Variants in RAB28 observed in about 807,000 individuals in gnomAD.
RAB28 encodes the protein RAB28, member RAS oncogene family, also known as ras-related protein Rab-28.
In RAB28, 24 loss-of-function variants were observed where a neutral mutation model predicts 31.7. The observed-to-expected ratio is 0.76, with a 90% confidence interval of 0.55 to 1.06. The LOEUF (loss-of-function observed/expected upper bound fraction) is 1.06. RAB28 is among the 50% of genes least tolerant of loss of function. The probability of loss-of-function intolerance (pLI) is 0.00; values close to 1 mark genes in which losing one functional copy is unlikely to be tolerated. For synonymous variants in RAB28, 100 were observed against 90.4 expected (o/e 1.11, Z -0.60); for missense variants, 254 against 258.5 (o/e 0.98, Z 0.12).
intron 6 of RAB28, among the ~76,000 whole-genome samples, chr4:13,373,433 A>G (rs1173422465): frequency 6.6e-6 from 1 of 152,078 alleles, no homozygotes. Flanking sequence ...TGAAAAATGG[A>G]TCTATAGTGT....
chr4:13,404,208 A>C (rs1458658828), intron 4 of RAB28, among the ~76,000 whole-genome samples: 1 of 152,072 alleles, frequency 6.6e-6, no homozygotes, highest in African/African-American at 2.4e-5. Flanking sequence ...GAGAAACCCC[A>C]TCTCCACTAA....
At chr4:13,459,078 G>C (rs1007665543) in intron 4 of RAB28, among the ~76,000 whole-genome samples, 2 of 152,104 alleles carry the variant, frequency 1.3e-5, no homozygotes, top group African/African-American at 4.8e-5. Context: ...TGAGTCTTCC[G>C]GCCTCCATCT....
intron 4 of RAB28, among the ~76,000 whole-genome samples, chr4:13,448,335 A>G (rs1714798445): frequency 6.6e-6 from 1 of 152,138 alleles, no homozygotes; most frequent in Non-Finnish European, 1.5e-5. Context: ...AACAAATAAG[A>G]TGAATTATGC....
Position 13,368,449 on chromosome 4 carries a change from G to T in RAB28, c.*109C>A. On this transcript the variant is annotated 3_prime_UTR_variant, in exon 7 of 7. Coordinates refer to ENST00000330852, the MANE Select transcript of RAB28 (RefSeq NM_001017979.3). ...TGATGAAGCAAGTTGGGAGTAAAGT[G>T]TTAACTGAACTACAGAGATGGTCAC... 1 of 1,358,190 alleles carries T rather than the reference G, an allele frequency of 7.4e-7. No homozygotes were observed. Among genetic ancestry groups the T allele is most frequent in the Non-Finnish European group, 9.5e-7 (1 of 1,052,614 alleles). The allele number at this position is 1,358,190 out of a possible 1,614,324, so 84.1% of individuals were successfully genotyped here. A position where few individuals can be genotyped will look rare whatever the true frequency, so the allele number is the denominator to read the frequency against.
At position 13,382,693 on chromosome 4, in the gene RAB28, ATTT is replaced by A. The variant is rs35120402; in HGVS notation, c.392-1102_392-1100del. ...TATTGCTTACCTTGGAAAATATGGAATTTTTTTTTTTTTTTTTTTTTTTGAGAC... is the reference window on the plus strand; with the variant it reads ...TATTGCTTACCTTGGAAAATATGGAATTTTTTTTTTTTTTTTTTTTGAGAC... On this transcript the variant is annotated intron_variant, in intron 4 of 6. Transcript: ENST00000330852. Among the ~76,000 whole-genome samples the A allele has an allele frequency of 5.9e-3, 439 of 73,902 alleles. 2 individuals carry two copies. Among genetic ancestry groups the A allele is most frequent in the African/African-American group, 0.019 (407 of 21,524 alleles). The allele number at this position is 73,902 out of a possible 152,430, so 48.5% of individuals were successfully genotyped here. A position where few individuals can be genotyped will look rare whatever the true frequency, so the allele number is the denominator to read the frequency against.
chr4:13,466,269 G>T (rs10004028), intron 3 of RAB28, among the ~76,000 whole-genome samples: 3 of 151,814 alleles, frequency 2.0e-5, no homozygotes, highest in Non-Finnish European at 4.4e-5. Flanking sequence ...TTAACAGTGT[G>T]CAGAGACAAC....
At chr4:13,415,312 G>C (rs1385430935) in intron 4 of RAB28, among the ~76,000 whole-genome samples, 1 of 152,200 alleles carries the variant, frequency 6.6e-6, no homozygotes, top group African/African-American at 2.4e-5. Context: ...GGCACTTGAG[G>C]AAGTGCCCGC....
chr4:13,417,151 G>A (rs1445200071), intron 4 of RAB28, among the ~76,000 whole-genome samples: 4 of 152,216 alleles, frequency 2.6e-5, no homozygotes, highest in South Asian at 2.1e-4. Flanking sequence ...AGCAGTCTGC[G>A]ATCGACCTGT....
chr4:13,470,665 G>A (rs1716079346), intron 3 of RAB28, among the ~76,000 whole-genome samples: 1 of 151,920 alleles, frequency 6.6e-6, no homozygotes, highest in Non-Finnish European at 1.5e-5. Context: ...CAGGTTACAG[G>A]GCACTAAACA....
intron 4 of RAB28, among the ~76,000 whole-genome samples, chr4:13,384,582 T>C (rs1463929076): frequency 6.6e-6 from 1 of 152,190 alleles, no homozygotes; most frequent in Non-Finnish European, 1.5e-5. Flanking sequence ...ATTTAGAGCA[T>C]GCAGTCCAGG....
At chr4:13,482,791 AT>A (rs957878733) in intron 1 of RAB28, among the ~76,000 whole-genome samples, 4 of 152,242 alleles carry the variant, frequency 2.6e-5, no homozygotes, top group Admixed American at 1.3e-4. Context: ...AAACAAAAAA[AT>A]ACTTCAAATT....
At chr4:13,388,125 C>T (rs1217143766) in intron 4 of RAB28, among the ~76,000 whole-genome samples, 2 of 151,904 alleles carry the variant, frequency 1.3e-5, no homozygotes, top group East Asian at 3.9e-4. Context: ...GAGTCGGATA[C>T]GCCATAAAAG....
intron 4 of RAB28, among the ~76,000 whole-genome samples, chr4:13,410,104 A>G (rs1712344957): frequency 1.3e-5 from 2 of 152,166 alleles, no homozygotes; most frequent in East Asian, 3.9e-4. Flanking sequence ...GCTTTCCACC[A>G]TGATTTTAAG....
intron 4 of RAB28, among the ~76,000 whole-genome samples, chr4:13,391,537 C>T (rs2108891125): frequency 6.6e-6 from 1 of 152,296 alleles, no homozygotes. Flanking sequence ...CCATTTGACC[C>T]AGTGATCCCA....
intron 4 of RAB28, among the ~76,000 whole-genome samples, chr4:13,421,934 C>G (rs182685319): frequency 2.0e-5 from 3 of 151,816 alleles, no homozygotes; most frequent in Non-Finnish European, 4.4e-5. Flanking sequence ...TTCTGCACAG[C>G]AAAAGAAACT....
chr4:13,413,353 G>A (rs1003795215), intron 4 of RAB28, among the ~76,000 whole-genome samples: 1 of 152,162 alleles, frequency 6.6e-6, no homozygotes, highest in Admixed American at 6.5e-5. Context: ...TGGTGACACA[G>A]ACTTCTGAAG....
At chr4:13,377,755 A>G (rs1728976703) in intron 5 of RAB28, among the ~76,000 whole-genome samples, 1 of 152,214 alleles carries the variant, frequency 6.6e-6, no homozygotes, top group African/African-American at 2.4e-5. Flanking sequence ...AACTAATGTA[A>G]AATATTATGG....
intron 4 of RAB28, among the ~76,000 whole-genome samples, chr4:13,405,221 T>A (rs1577180000): frequency 6.6e-5 from 10 of 152,168 alleles, no homozygotes; most frequent in Admixed American, 6.5e-4. Context: ...TTTCTTTTAC[T>A]GGGGTATATT....
chr4:13,459,995 G>A (rs1715508151), intron 4 of RAB28: 1 of 971,138 alleles, frequency 1.0e-6, no homozygotes, highest in South Asian at 1.3e-5. Flanking sequence ...AAGCAGCGGA[G>A]CAGTTATAAT....
Sources: gnomAD v4.1 joint callset for allele counts (sites outside exome capture counted in the v4.1 genomes callset) on GRCh38, gnomAD v4.1.1 for gene constraint, MANE v1.5 for transcripts, NCBI Gene and HGNC (gene_info 2026-07-23, HGNC 2026-07-21) for gene names.